IP6K2: variants seen among roughly 807,000 people sequenced by gnomAD.
The protein encoded by IP6K2 is inositol hexakisphosphate kinase 2.
A neutral mutation model predicts 43.3 loss-of-function variants in IP6K2; 9 were observed. The observed-to-expected ratio is 0.21, with a 90% confidence interval of 0.13 to 0.36. The LOEUF (loss-of-function observed/expected upper bound fraction) is 0.36. Among genes scored for constraint, IP6K2 ranks in the 10% least tolerant of loss-of-function variants. The pLI is 1.00. For missense variants in IP6K2, 332 were observed against 538.4 expected (o/e 0.62, Z 3.79); for synonymous variants, 209 against 202.4 (o/e 1.03, Z -0.28).
In IP6K2 at chr3:48,695,578, G is replaced by C. The variant is rs997219925; in HGVS notation, c.-130-157C>G. 1.2e-5 allele frequency: 12 copies of C among 1,033,394 alleles called. No homozygotes were observed. Among genetic ancestry groups the C allele is most frequent in the Admixed American group, 7.6e-5 (2 of 26,188 alleles). 64.0% of individuals were successfully genotyped at this position (1,033,394 alleles called of 1,614,324 possible). On this transcript the variant is annotated intron_variant, in intron 1 of 5. Transcript: ENST00000328631. The surrounding 1 kb of genome is among the most constrained non-coding windows in gnomAD (Gnocchi z 4.6). ...ACCCACCTTGGCCCCCGCCTTCTCCGGCAGAAAAACAAAAACACTATGAGC... is the reference window on the plus strand; with the variant it reads ...ACCCACCTTGGCCCCCGCCTTCTCCCGCAGAAAAACAAAAACACTATGAGC...
chr3:48,698,872 G>A (rs1446470192), intron 1 of IP6K2, among the ~76,000 whole-genome samples: 1 of 152,150 alleles, frequency 6.6e-6, no homozygotes, highest in Non-Finnish European at 1.5e-5. Context: ...CCAGGACATT[G>A]AGGCTGCAGT....
At chr3:48,697,345 T>C (rs1336687670) in intron 1 of IP6K2, among the ~76,000 whole-genome samples, 1 of 150,676 alleles carries the variant, frequency 6.6e-6, no homozygotes, top group Non-Finnish European at 1.5e-5. Flanking sequence ...TGTTTTGTTT[T>C]TTTTTTTAGA....
intron 1 of IP6K2, among the ~76,000 whole-genome samples, chr3:48,696,906 G>A (rs908372482): frequency 6.6e-6 from 1 of 152,196 alleles, no homozygotes; most frequent in Non-Finnish European, 1.5e-5. Flanking sequence ...AAGGTGATTA[G>A]AGATGGTTAG....
chr3:48,688,865 G>GT lies in IP6K2; in HGVS notation c.781-93dup. Reference sequence around the variant, plus strand: ...TGGGGTGGTGTGGTGGTGGCGGCATGTGACAGCCCAGATCAGATAAAGTAC... The same window carrying GT: ...TGGGGTGGTGTGGTGGTGGCGGCATGTTGACAGCCCAGATCAGATAAAGTAC... On this transcript the variant is annotated intron_variant, in intron 5 of 5. Coordinates refer to ENST00000328631, the MANE Select transcript of IP6K2 (RefSeq NM_016291.4). The surrounding 1 kb of genome is among the most constrained non-coding windows in gnomAD (Gnocchi z 5.1). 7.4e-7 allele frequency: 1 copy of GT among 1,352,164 alleles called. No individual in the cohort carries two copies. The highest frequency in any genetic ancestry group is 2.1e-5 in the Admixed American group (1 of 47,786). The allele number at this position is 1,352,164 out of a possible 1,614,324, so 83.8% of individuals were successfully genotyped here. A position where few individuals can be genotyped will look rare whatever the true frequency, so the allele number is the denominator to read the frequency against.
intron 1 of IP6K2, among the ~76,000 whole-genome samples, chr3:48,697,055 C>G (rs1350364390): frequency 2.7e-5 from 4 of 149,670 alleles, no homozygotes; most frequent in Non-Finnish European, 5.9e-5. Context: ...GAGTCTCGCT[C>G]TGTCACCCAG....
At position 48,688,192 on chromosome 3, in the gene IP6K2, C is replaced by T. The variant is rs1001503262; in HGVS notation, c.*81G>A. 2.6e-6 allele frequency: 4 copies of T among 1,510,838 alleles called. No individual in the cohort carries two copies. In the African/African-American group the frequency reaches 5.5e-5, roughly 21 times the overall value. The allele number at this position is 1,510,838 out of a possible 1,614,324, so 93.6% of individuals were successfully genotyped here. On this transcript the variant is annotated 3_prime_UTR_variant, in exon 6 of 6. Transcript: ENST00000328631. This position sits in a 1 kb window ranked among gnomAD's most constrained non-coding sequence, Gnocchi z 5.1. ...CCAGGCTGCAGGAGCCACCACCTGGCCATACTGGCTTCCTCCCTGACGCAG... is the reference window on the plus strand; with the variant it reads ...CCAGGCTGCAGGAGCCACCACCTGGTCATACTGGCTTCCTCCCTGACGCAG...
At chr3:48,705,961 T>C (rs1307706722) in intron 1 of IP6K2, among the ~76,000 whole-genome samples, 1 of 150,982 alleles carries the variant, frequency 6.6e-6, no homozygotes, top group Non-Finnish European at 1.5e-5. Context: ...ATCCCAGCAC[T>C]TTGGGAGGCC....
At chr3:48,699,749 G>T (rs1334995446) in intron 1 of IP6K2, 1 of 152,190 alleles carries the variant, frequency 6.6e-6, no homozygotes, top group Non-Finnish European at 1.5e-5. Context: ...CGTGGAGAAA[G>T]ACTCCAAGTC....
At chr3:48,708,520 A>C (rs2080090235) in intron 1 of IP6K2, among the ~76,000 whole-genome samples, 1 of 151,964 alleles carries the variant, frequency 6.6e-6, no homozygotes, top group African/African-American at 2.4e-5. Context: ...GCATGAGTCA[A>C]CTGGCCAAAT....
chr3:48,704,260 C>T (rs2079424009), intron 1 of IP6K2, among the ~76,000 whole-genome samples: 1 of 152,170 alleles, frequency 6.6e-6, no homozygotes, highest in Admixed American at 6.6e-5. Flanking sequence ...CCATCAACCT[C>T]AGGAAAACTC....
At chr3:48,710,784 T>C (rs1298293780) in intron 1 of IP6K2, among the ~76,000 whole-genome samples, 1 of 152,134 alleles carries the variant, frequency 6.6e-6, no homozygotes, top group African/African-American at 2.4e-5. Flanking sequence ...TAATTTTTTG[T>C]ATTTTTAGTA....
chr3:48,708,097 T>A (rs2080028248), intron 1 of IP6K2: 1 of 150,658 alleles, frequency 6.6e-6, no homozygotes. Context: ...TAAAAAAAAA[T>A]AGCCAGGTGC....
At chr3:48,713,813 C>T (rs2080840693) in intron 1 of IP6K2, among the ~76,000 whole-genome samples, 1 of 141,922 alleles carries the variant, frequency 7.0e-6, no homozygotes. Flanking sequence ...AATAGTAATA[C>T]AAAAAAGAAA....
Position 48,688,393 on chromosome 3 carries a change from G to A in IP6K2, c.1161C>T (p.Thr387=). The change falls in exon 6 of 6, where the codon ACC becomes ACT. Residue 387 remains threonine (T), a synonymous_variant. Coordinates refer to ENST00000328631, the MANE Select transcript of IP6K2 (RefSeq NM_016291.4). This position sits in a 1 kb window ranked among gnomAD's most constrained non-coding sequence, Gnocchi z 5.1. ...VDVRMIDFAH[T]TCRLYGEDTV... Reference sequence around the variant, plus strand: ...TGTCCTCGCCATACAGCCTGCAGGTGGTGTGTGCAAAGTCGATCATGCGCA... The same window carrying A: ...TGTCCTCGCCATACAGCCTGCAGGTAGTGTGTGCAAAGTCGATCATGCGCA... The A allele has an allele frequency of 6.2e-7, 1 of 1,614,236 alleles. No homozygotes were observed. The highest frequency in any genetic ancestry group is 8.5e-7 in the Non-Finnish European group (1 of 1,180,042).
chr3:48,691,392 A>C lies in IP6K2; in HGVS notation c.519T>G (p.Leu173=), dbSNP rs1488852451. Reference sequence around the variant, plus strand: ...TCATGCTCCAAGGGTTATAGTGTTTAAGCTGGGAACTTATATTCCCCTTCT... The same window carrying C: ...TCATGCTCCAAGGGTTATAGTGTTTCAGCTGGGAACTTATATTCCCCTTCT... The part of the protein sequence containing the change: ...VEKKGNISSQ[L]KHYNPWSMKC... The change falls in exon 4 of 6, where the codon CTT becomes CTG. Residue 173 remains leucine, a synonymous_variant. Transcript: ENST00000328631. 1 of 1,613,472 alleles carries C rather than the reference A, an allele frequency of 6.2e-7. No homozygotes were observed.
intron 1 of IP6K2, among the ~76,000 whole-genome samples, chr3:48,708,935 G>A (rs1043054829): frequency 2.6e-5 from 4 of 152,158 alleles, no homozygotes; most frequent in African/African-American, 7.2e-5. Context: ...AGGTGTGGTG[G>A]TACATGCCTG....
Position 48,692,890 on chromosome 3 carries a change from G to A in IP6K2, c.428+64C>T. ...GTCCTTAGCTCCAGGGAACTGGGCT[G>A]TAACCAAAACCCCCAACACTTCCCC... On this transcript the variant is annotated intron_variant, in intron 3 of 5. Coordinates refer to ENST00000328631, the MANE Select transcript of IP6K2 (RefSeq NM_016291.4). The A allele has an allele frequency of 2.4e-6, 3 of 1,259,600 alleles. No homozygotes were observed. In the South Asian group the frequency reaches 3.8e-5, roughly 16 times the overall value. The allele number at this position is 1,259,600 out of a possible 1,614,324, so 78.0% of individuals were successfully genotyped here. A position where few individuals can be genotyped will look rare whatever the true frequency, so the allele number is the denominator to read the frequency against.
At chr3:48,716,212 T>C in intron 1 of IP6K2, among the ~76,000 whole-genome samples, 1 of 152,224 alleles carries the variant, frequency 6.6e-6, no homozygotes, top group Non-Finnish European at 1.5e-5. Flanking sequence ...ACTGTAATCA[T>C]GGTCCTCTAT....
intron 2 of IP6K2, chr3:48,693,646 G>T: frequency 9.0e-7 from 1 of 1,108,914 alleles, no homozygotes; most frequent in Non-Finnish European, 1.1e-6. Flanking sequence ...GCATCCAAGA[G>T]TAAGGGAAGA....
Sources: allele counts gnomAD v4.1 joint callset (sites outside exome capture counted in the v4.1 genomes callset), GRCh38; gene constraint gnomAD v4.1.1; non-coding constraint Gnocchi (gnomAD v3.1); transcripts MANE v1.5; gene names NCBI Gene and HGNC (gene_info 2026-07-23, HGNC 2026-07-21).